Variants in SLC28A2 observed in about 807,000 individuals in gnomAD.
The protein encoded by SLC28A2 is sodium/nucleoside cotransporter 2.
In SLC28A2, 69 loss-of-function variants were observed where a neutral mutation model predicts 72.9. That is an observed-to-expected ratio of 0.95 (90% CI 0.78 to 1.16). The LOEUF (loss-of-function observed/expected upper bound fraction) is 1.16, where lower values mean the gene tolerates loss of function less well. Among genes scored for constraint, SLC28A2 ranks in the 50% most tolerant of loss-of-function variants. The pLI is 0.00. For missense variants in SLC28A2, 745 were observed against 791.1 expected, an observed-to-expected ratio of 0.94 and a Z score of 0.70; for synonymous variants, 296 against 294.1, an observed-to-expected ratio of 1.01 and a Z score of -0.07.
chr15:45,264,399 T>C (rs1300420029), intron 6 of SLC28A2, among the ~76,000 whole-genome samples: 1 of 152,238 alleles, frequency 6.6e-6, no homozygotes, highest in Non-Finnish European at 1.5e-5. Context: ...TTTATTTGTA[T>C]GTATGCATGC....
At position 45,274,406 on chromosome 15, in the gene SLC28A2, G is replaced by A. The variant is rs545407969; in HGVS notation, c.1860-990G>A. 3.3e-5 allele frequency among the ~76,000 whole-genome samples: 5 copies of A among 152,248 alleles called. No individual in the cohort carries two copies. The East Asian group carries it at 9.7e-4, about 30-fold the overall frequency. ...GTGCCTGTAGTCCCAGCTACCTGGG[G>A]AGGCTGAGGTGGCAGGATCACTTCA... On this transcript the variant is annotated intron_variant, in intron 17 of 17. Transcript: ENST00000347644.
intron 9 of SLC28A2, 28 bp from the exon 10 acceptor site, chr15:45,266,053 A>G (rs769639205): frequency 2.0e-6 from 3 of 1,497,928 alleles, no homozygotes; most frequent in Non-Finnish European, 2.8e-6. Context: ...TGCTAACATT[A>G]ATGGTTTAGG....
At position 45,262,025 on chromosome 15, in the gene SLC28A2, T is replaced by C. The variant is rs1400582369; in HGVS notation, c.181T>C (p.Trp61Arg). 1 of 1,612,176 alleles carries C rather than the reference T, an allele frequency of 6.2e-7. No individual in the cohort carries two copies. Among genetic ancestry groups the C allele is most frequent in the South Asian group, 1.1e-5 (1 of 91,036 alleles). Residue 61 changes from tryptophan to arginine, a missense_variant, in exon 4 of 18, where the codon TGG becomes CGG. By Grantham distance (101) the Trp-to-Arg change is moderately radical. Transcript: ENST00000347644. ...GPSTYQRRSR[W>R]PFSKARSFCK... ...TTGGGTTCTTATTAGGAGGAGTCGG[T>C]GGCCTTTCAGCAAAGCAAGAAGTTT...
chr15:45,253,222 A>G lies in SLC28A2; in HGVS notation c.7A>G (p.Lys3Glu). The G allele has an allele frequency of 6.2e-7, 1 of 1,612,748 alleles. No individual in the cohort carries two copies. The highest frequency in any genetic ancestry group is 8.5e-7 in the Non-Finnish European group (1 of 1,178,904). The change falls in exon 2 of 18, where the codon AAA becomes GAA. Residue 3 changes from lysine (K) to glutamate (E), a missense_variant. By Grantham distance (56) the Lys-to-Glu change is moderately conservative (BLOSUM62 1). Transcript: ENST00000347644. ME[K>E]ASGRQSIALS... The stretch of plus-strand genomic sequence containing the variant: ...CAGTTGAGGAGAACAGGAGATGGAG[A>G]AAGCAAGTGGAAGACAGTCCATTGC...
At chr15:45,260,211 C>T (rs748475827) in intron 3 of SLC28A2, among the ~76,000 whole-genome samples, 5 of 152,120 alleles carry the variant, frequency 3.3e-5, no homozygotes, top group Admixed American at 1.3e-4. Context: ...AAAAAGACCT[C>T]CTCAACACAC....
chr15:45,265,008 C>T (rs17222029), intron 7 of SLC28A2, 81 bp from the exon 8 acceptor site: 49 of 1,105,614 alleles, frequency 4.4e-5, no homozygotes, highest in African/African-American at 4.3e-4. Flanking sequence ...GTCCTCAGGA[C>T]GCATGGGGCT....
intron 9 of SLC28A2, 62 bp downstream of exon 9, chr15:45,265,725 GA>G: frequency 3.5e-6 from 4 of 1,135,012 alleles, no homozygotes; most frequent in South Asian, 1.2e-5. Context: ...GTCAGCTTTG[GA>G]AAAATGCCCA....
Position 45,272,740 on chromosome 15 carries a change from T to C in SLC28A2, c.1815T>C (p.Asn605=), listed in dbSNP as rs201615442. The change falls in exon 17 of 18, where the codon AAT becomes AAC. Residue 605 remains asparagine (N), a synonymous_variant. Coordinates refer to ENST00000347644, the MANE Select transcript of SLC28A2 (RefSeq NM_004212.4). Reference sequence around the variant, plus strand: ...CCTTCCCAAACACAAGTTTCACCAATAGAACCTATGAGACCTACATGTGCT... The same window carrying C: ...CCTTCCCAAACACAAGTTTCACCAACAGAACCTATGAGACCTACATGTGCT... ...CVSFPNTSFT[N]RTYETYMCCR... is the part of the protein sequence containing the mutation. 8.3e-5 allele frequency: 134 copies of C among 1,612,826 alleles called. No homozygotes were observed. In the Middle Eastern group the frequency reaches 1.3e-3, roughly 16 times the overall value.
At chr15:45,264,594 A>C in intron 6 of SLC28A2, 61 bp from the exon 7 acceptor site, 1 of 1,171,060 alleles carries the variant, frequency 8.5e-7, no homozygotes, top group South Asian at 1.2e-5. Context: ...CATGTTTAAA[A>C]CTCCAACCAG....
At chr15:45,270,393 G>A in intron 15 of SLC28A2, 117 bp downstream of exon 15, 1 of 754,518 alleles carries the variant, frequency 1.3e-6, no homozygotes, top group Non-Finnish European at 2.3e-6. Flanking sequence ...ATTGTGAAAT[G>A]GGCCCATTTC....
At position 45,268,371 on chromosome 15, in the gene SLC28A2, C is replaced by G. The variant is rs944811323; in HGVS notation, c.1361C>G (p.Thr454Ser). The change falls in exon 13 of 18, where the codon ACT becomes AGT. Residue 454 changes from threonine (T) to serine (S), a missense_variant. Thr to Ser is a moderately conservative substitution (Grantham distance 58). Transcript: ENST00000347644. ...GAATTGGTGGACATACAGGGGCTCACTTTCCAGGTAAAGGATTACATTTGT... is the reference window on the plus strand; with the variant it reads ...GAATTGGTGGACATACAGGGGCTCAGTTTCCAGGTAAAGGATTACATTTGT... ...LGELVDIQGL[T>S]FQVICSYLLR... 8.8e-6 allele frequency: 14 copies of G among 1,588,504 alleles called. No individual in the cohort carries two copies. The highest frequency in any genetic ancestry group is 1.1e-5 in the Non-Finnish European group (13 of 1,159,970).
chr15:45,254,402 G>A (rs2140557064), intron 3 of SLC28A2, among the ~76,000 whole-genome samples: 1 of 152,198 alleles, frequency 6.6e-6, no homozygotes, highest in African/African-American at 2.4e-5. Flanking sequence ...TATTTTTACT[G>A]TGCCTTTTCT....
chr15:45,268,353 T>C lies in SLC28A2; in HGVS notation c.1343T>C (p.Val448Ala), dbSNP rs1900414397. The C allele has an allele frequency of 1.2e-6, 2 of 1,602,994 alleles. No homozygotes were observed. The highest frequency in any genetic ancestry group is 1.7e-5 in the Admixed American group (1 of 59,814). Residue 448 changes from valine to alanine, a missense_variant, in exon 13 of 18, where the codon GTG becomes GCG. Physicochemically the swap from Val to Ala is moderately conservative, Grantham distance 64 (BLOSUM62 0). Coordinates refer to ENST00000347644, the MANE Select transcript of SLC28A2 (RefSeq NM_004212.4). ...NAALSWLGEL[V>A]DIQGLTFQVI... ...GCCCTCTCCTGGCTGGGGGAATTGG[T>C]GGACATACAGGGGCTCACTTTCCAG...
chr15:45,266,010 G>A, intron 9 of SLC28A2, 71 bp from the exon 10 acceptor site: 1 of 1,090,082 alleles, frequency 9.2e-7, no homozygotes, highest in South Asian at 1.3e-5. Context: ...AAGTGGAGGA[G>A]GAGGAGTTTT....
chr15:45,267,479 C>T lies in SLC28A2; in HGVS notation c.967C>T (p.Pro323Ser). 1.2e-6 allele frequency: 2 copies of T among 1,614,162 alleles called. No homozygotes were observed. The highest frequency in any genetic ancestry group is 1.7e-6 in the Non-Finnish European group (2 of 1,180,002). The change falls in exon 11 of 18, where the codon CCC becomes TCC. Residue 323 changes from proline (P) to serine (S), a missense_variant. Coordinates refer to ENST00000347644, the MANE Select transcript of SLC28A2 (RefSeq NM_004212.4). ...GMTEAPLLIR[P>S]YLGDMTLSEI... ...GACAGAGGCACCTCTGCTCATCCGT[C>T]CCTACCTTGGGGACATGACACTCTC... is the stretch of plus-strand genomic sequence containing the variant.
In SLC28A2 at chr15:45,272,306, C is replaced by A; in HGVS notation, c.1660C>A (p.Pro554Thr). Residue 554 changes from proline to threonine, a missense_variant, in exon 16 of 18, where the codon CCT (proline) becomes ACT (threonine). Transcript: ENST00000347644. ...TTTATTGTCTGCAGCATCAATAGTA[C>A]CTCACCGGAAGAGTGACTTGTCCAA... is the stretch of plus-strand genomic sequence containing the variant. ...ITLGGLTSIV[P>T]HRKSDLSKVV... 1.2e-6 allele frequency: 2 copies of A among 1,613,618 alleles called. No individual in the cohort carries two copies. The highest frequency in any genetic ancestry group is 1.7e-6 in the Non-Finnish European group (2 of 1,179,922).
chr15:45,258,120 G>A (rs1468370706), intron 3 of SLC28A2, among the ~76,000 whole-genome samples: 1 of 152,182 alleles, frequency 6.6e-6, no homozygotes, highest in African/African-American at 2.4e-5. Flanking sequence ...CTACTCGGGA[G>A]GCTGAGGCAG....
chr15:45,267,388 G>C (rs1470474631), intron 10 of SLC28A2, 67 bp from the exon 11 acceptor site: 1 of 1,584,826 alleles, frequency 6.3e-7, no homozygotes, highest in Non-Finnish European at 8.6e-7. Flanking sequence ...CCCTGGGGCT[G>C]GGGTGGGCAC....
intron 13 of SLC28A2, among the ~76,000 whole-genome samples, chr15:45,268,823 A>ACAT (rs1900432393): frequency 6.6e-6 from 1 of 152,122 alleles, no homozygotes; most frequent in Non-Finnish European, 1.5e-5. Flanking sequence ...TACACCATGG[A>ACAT]ATACTATGCA....
Sources: gnomAD v4.1 joint callset for allele counts (sites outside exome capture counted in the v4.1 genomes callset) on GRCh38, gnomAD v4.1.1 for gene constraint, MANE v1.5 for transcripts, NCBI Gene and HGNC (gene_info 2026-07-23, HGNC 2026-07-21) for gene names.